Variants in HHLA2 observed in about 807,000 individuals in gnomAD.
HHLA2 encodes HERV-H LTR-associating protein 2.
Under a neutral mutation model 45.9 loss-of-function variants are expected in HHLA2, and 48 were observed. The observed-to-expected ratio is 1.05, with a 90% CI of 0.83 to 1.33. The LOEUF (loss-of-function observed/expected upper bound fraction) is 1.33, where lower values mean the gene tolerates loss of function less well. HHLA2 is among the 40% of genes most tolerant of loss of function. The probability of loss-of-function intolerance (pLI) is 0.00; values close to 1 mark genes in which losing one functional copy is unlikely to be tolerated. For missense variants in HHLA2, 462 were observed against 494.3 expected, an observed-to-expected ratio of 0.93 and a Z score of 0.62; for synonymous variants, 161 against 173.9, an observed-to-expected ratio of 0.93 and a Z score of 0.59.
chr3:108,310,450 CTTAA>C (rs1357668673), intron 1 of HHLA2, among the ~76,000 whole-genome samples: 2 of 152,036 alleles, frequency 1.3e-5, no homozygotes, highest in South Asian at 2.1e-4. Context: ...AATCAGCTGG[CTTAA>C]TTGTTAATTT....
intron 2 of HHLA2, among the ~76,000 whole-genome samples, chr3:108,319,444 CCTT>C (rs1412378971): frequency 6.6e-6 from 1 of 152,172 alleles, no homozygotes; most frequent in Admixed American, 6.5e-5. Flanking sequence ...TTCTCCTTGT[CCTT>C]CTTGAATATT....
At chr3:108,337,771 T>G (rs1169252146) in intron 3 of HHLA2, among the ~76,000 whole-genome samples, 1 of 152,042 alleles carries the variant, frequency 6.6e-6, no homozygotes, top group African/African-American at 2.4e-5. Context: ...TTGACTTTCT[T>G]GGAATTGTCT....
chr3:108,355,211 G>A lies in HHLA2; in HGVS notation c.515G>A (p.Trp172Ter). Residue 172 changes from tryptophan (W) to a stop codon, truncating the protein, a stop_gained, in exon 6 of 11, where the codon TGG becomes TAG. Coordinates refer to ENST00000619531, the Ensembl canonical transcript of HHLA2. LOFTEE classifies it high-confidence loss of function. ...GTTTATCCTCGTCCAATTATCACGT[G>A]GAAAATGGACAACACACCTATCTCT... is the stretch of plus-strand genomic sequence containing the variant. The A allele has an allele frequency of 6.2e-7, 1 of 1,613,790 alleles. No homozygotes were observed. Among genetic ancestry groups the A allele is most frequent in the Non-Finnish European group, 8.5e-7 (1 of 1,179,840 alleles).
intron 8 of HHLA2, among the ~76,000 whole-genome samples, chr3:108,375,245 G>T (rs6437778): frequency 0.86 from 130,543 of 151,242 alleles, 57,826 homozygotes; most frequent in Non-Finnish European, 0.92. Flanking sequence ...AACCAAACAC[G>T]GCATATTCTC....
At chr3:108,333,834 G>A (rs1576131332) in intron 3 of HHLA2, among the ~76,000 whole-genome samples, 2 of 152,136 alleles carry the variant, frequency 1.3e-5, no homozygotes, top group South Asian at 4.1e-4. Flanking sequence ...TCCTACGCTA[G>A]ATGACATTGA....
intron 3 of HHLA2, among the ~76,000 whole-genome samples, chr3:108,329,198 C>A (rs951812270): frequency 6.6e-6 from 1 of 152,090 alleles, no homozygotes; most frequent in Non-Finnish European, 1.5e-5. Flanking sequence ...GCCACAGGAG[C>A]TTTCTTAGAA....
chr3:108,364,703 T>C (rs1423126168), intron 8 of HHLA2, among the ~76,000 whole-genome samples: 1 of 152,222 alleles, frequency 6.6e-6, no homozygotes, highest in African/African-American at 2.4e-5. Flanking sequence ...TGGTATGAGA[T>C]GGTATCTCAT....
intron 3 of HHLA2, among the ~76,000 whole-genome samples, chr3:108,330,999 T>C (rs1401982820): frequency 6.6e-6 from 1 of 152,110 alleles, no homozygotes; most frequent in Non-Finnish European, 1.5e-5. Context: ...GAAAGTGCTG[T>C]TAGAGGGACA....
intron 2 of HHLA2, among the ~76,000 whole-genome samples, chr3:108,319,914 C>T (rs557052086): frequency 5.9e-5 from 9 of 152,238 alleles, no homozygotes; most frequent in African/African-American, 1.7e-4. Context: ...AGATTCGCCC[C>T]GTGCATGCAT....
intron 1 of HHLA2, among the ~76,000 whole-genome samples, chr3:108,300,211 G>A (rs1325227440): frequency 6.6e-6 from 1 of 152,160 alleles, no homozygotes; most frequent in Non-Finnish European, 1.5e-5. Flanking sequence ...GACAGTGTGT[G>A]AGAAGATGAG....
chr3:108,320,344 A>G (rs2081177758), intron 2 of HHLA2, among the ~76,000 whole-genome samples: 3 of 152,346 alleles, frequency 2.0e-5, no homozygotes, highest in South Asian at 4.1e-4. Context: ...AGAACAACAG[A>G]AAAAAACCTA....
At chr3:108,370,901 C>G (rs1325958743) in intron 8 of HHLA2, among the ~76,000 whole-genome samples, 1 of 152,200 alleles carries the variant, frequency 6.6e-6, no homozygotes, top group Admixed American at 6.5e-5. Context: ...GGAAAACACT[C>G]TGGGGAAGTT....
In HHLA2 at chr3:108,342,257, C is replaced by T. The variant is rs1053248971; in HGVS notation, c.-26-9531C>T. On this transcript the variant is annotated intron_variant, in intron 3 of 10. Transcript: ENST00000619531. Reference sequence around the variant, plus strand: ...CGGCTGGCTCCTTTTTCTTCTTTCTCTCTTTTTTTTTTTTTTTTTTTTTGA... The same window carrying T: ...CGGCTGGCTCCTTTTTCTTCTTTCTTTCTTTTTTTTTTTTTTTTTTTTTGA... Among the ~76,000 whole-genome samples, 4 of 81,936 alleles carry T rather than the reference C, an allele frequency of 4.9e-5. 1 individual carries two copies. The highest frequency in any genetic ancestry group is 8.9e-5 in the Non-Finnish European group (4 of 45,142). 53.8% of individuals were successfully genotyped at this position (81,936 alleles called of 152,430 possible). A position where few individuals can be genotyped will look rare whatever the true frequency, so the allele number is the denominator to read the frequency against.
At chr3:108,322,483 C>G (rs2081219958) in intron 2 of HHLA2, among the ~76,000 whole-genome samples, 1 of 152,172 alleles carries the variant, frequency 6.6e-6, no homozygotes, top group South Asian at 2.1e-4. Flanking sequence ...TGAGAGCTTT[C>G]ATGCCCACCT....
At chr3:108,304,749 A>G (rs1037168089) in intron 1 of HHLA2, among the ~76,000 whole-genome samples, 9 of 152,244 alleles carry the variant, frequency 5.9e-5, no homozygotes, top group Non-Finnish European at 1.2e-4. Context: ...TAATCTCTCT[A>G]GATCTGGTAA....
Position 108,353,796 on chromosome 3 carries a change from A to G in HHLA2, c.418+16A>G. 6.4e-7 allele frequency: 1 copy of G among 1,563,782 alleles called. No individual in the cohort carries two copies. On this transcript the variant is annotated intron_variant, in intron 5 of 10. Transcript: ENST00000619531. ...AAGGTGGGAGGTAAGTGTGCATGTA[A>G]AGTTTCATGAAACAGCAATGACATC... is the stretch of plus-strand genomic sequence containing the variant.
At chr3:108,363,889 A>G (rs541978018) in intron 8 of HHLA2, among the ~76,000 whole-genome samples, 1 of 152,314 alleles carries the variant, frequency 6.6e-6, no homozygotes, top group African/African-American at 2.4e-5. Flanking sequence ...TTAAACTTGA[A>G]GGGACAAGGA....
intron 1 of HHLA2, among the ~76,000 whole-genome samples, chr3:108,303,692 A>G (rs1215122736): frequency 6.6e-6 from 1 of 152,126 alleles, no homozygotes; most frequent in Non-Finnish European, 1.5e-5. Flanking sequence ...CTTGCATGCC[A>G]TTCCTGTACC....
At chr3:108,333,245 T>C (rs1463280506) in intron 3 of HHLA2, among the ~76,000 whole-genome samples, 1 of 152,190 alleles carries the variant, frequency 6.6e-6, no homozygotes, top group African/African-American at 2.4e-5. Flanking sequence ...CAGAGTCACA[T>C]AGTCATTAAG....
Sources: allele counts gnomAD v4.1 joint callset (sites outside exome capture counted in the v4.1 genomes callset), GRCh38; gene constraint gnomAD v4.1.1; transcripts MANE v1.5; gene names NCBI Gene and HGNC (gene_info 2026-07-23, HGNC 2026-07-21).